GLI2: variants seen among roughly 807,000 people sequenced by gnomAD.
The protein encoded by GLI2 is transcription activator GLI2.
GLI2 carries 22 observed loss-of-function variants against 78.9 expected under a neutral mutation model. That is an observed-to-expected ratio of 0.28 (90% CI 0.20 to 0.40). The LOEUF (loss-of-function observed/expected upper bound fraction) is 0.40, where lower values mean the gene tolerates loss of function less well. Among genes scored for constraint, GLI2 ranks in the 10% least tolerant of loss-of-function variants. The probability of loss-of-function intolerance (pLI) is 1.00; values close to 1 mark genes in which losing one functional copy is unlikely to be tolerated. For synonymous variants in GLI2, 974 were observed against 963.7 expected, an observed-to-expected ratio of 1.01 and a Z score of -0.20; for missense variants, 2,097 against 2,213.2, an observed-to-expected ratio of 0.95 and a Z score of 1.05.
intron 1 of GLI2, among the ~76,000 whole-genome samples, chr2:120,789,353 CT>C (rs932455193): frequency 2.0e-5 from 3 of 151,394 alleles, no homozygotes; most frequent in Non-Finnish European, 4.4e-5. Flanking sequence ...TGTGGGAACG[CT>C]TTTTTTTTCT....
At chr2:120,910,379 A>C (rs2104810755) in intron 2 of GLI2, among the ~76,000 whole-genome samples, 1 of 152,280 alleles carries the variant, frequency 6.6e-6, no homozygotes, top group African/African-American at 2.4e-5. Flanking sequence ...ACAGACATCC[A>C]TCACCCCATT....
At chr2:120,959,573 A>T (rs1200138273) in intron 5 of GLI2, among the ~76,000 whole-genome samples, 2 of 152,352 alleles carry the variant, frequency 1.3e-5, no homozygotes, top group Middle Eastern at 3.4e-3. Flanking sequence ...CTTAGCTCCG[A>T]GGCCTGTGTG....
intron 1 of GLI2, among the ~76,000 whole-genome samples, chr2:120,790,373 G>C (rs1684113009): frequency 6.6e-6 from 1 of 152,186 alleles, no homozygotes; most frequent in Admixed American, 6.5e-5. Flanking sequence ...GGGGCATGGG[G>C]CTGACCCAGA....
At chr2:120,978,054 T>G (rs796250763) in intron 9 of GLI2, among the ~76,000 whole-genome samples, 30 of 152,262 alleles carry the variant, frequency 2.0e-4, no homozygotes, top group African/African-American at 7.2e-4. Flanking sequence ...GGGAGCGTCA[T>G]CACACCAGAG....
chr2:120,769,600 C>T (rs1683467303), intron 1 of GLI2, among the ~76,000 whole-genome samples: 1 of 152,222 alleles, frequency 6.6e-6, no homozygotes, highest in East Asian at 1.9e-4. Flanking sequence ...AAGGCAAGCT[C>T]AGAGTCTTGC....
At chr2:120,877,790 G>A (rs1449391890) in intron 2 of GLI2, among the ~76,000 whole-genome samples, 2 of 152,098 alleles carry the variant, frequency 1.3e-5, no homozygotes, top group East Asian at 3.8e-4. Flanking sequence ...GGGCATTTGG[G>A]TTGTTTCCAA....
chr2:120,925,341 A>G (rs1228229441), intron 2 of GLI2, among the ~76,000 whole-genome samples: 1 of 152,230 alleles, frequency 6.6e-6, no homozygotes, highest in Non-Finnish European at 1.5e-5. Flanking sequence ...GGAGTTGAAC[A>G]TGTAAAAATT....
intron 2 of GLI2, among the ~76,000 whole-genome samples, chr2:120,865,004 G>A (rs1209609452): frequency 5.3e-5 from 8 of 152,144 alleles, no homozygotes; most frequent in East Asian, 1.9e-4. Flanking sequence ...CTTCCAACTC[G>A]GTAGTGCCTC....
chr2:120,788,583 C>T (rs1168810252), intron 1 of GLI2, among the ~76,000 whole-genome samples: 4 of 152,230 alleles, frequency 2.6e-5, no homozygotes, highest in Admixed American at 2.6e-4. Flanking sequence ...CTGGAGGGGC[C>T]TGCATTTCCC....
In GLI2 at chr2:120,989,237, G is replaced by T. The variant is rs745631814; in HGVS notation, c.3272G>T (p.Arg1091Leu). The T allele has an allele frequency of 2.8e-5, 45 of 1,613,044 alleles. No individual in the cohort carries two copies. Among genetic ancestry groups the T allele is most frequent in the Non-Finnish European group, 3.6e-5 (43 of 1,180,038 alleles). The change falls in exon 14 of 14, where the codon CGC becomes CTC. Residue 1091 changes from arginine to leucine, a missense_variant. Transcript: ENST00000361492. ...RLPSPGLHGQRRMVAADSNVG... is the reference protein window; with the variant it reads ...RLPSPGLHGQLRMVAADSNVG... Reference sequence around the variant, plus strand: ...CCCAGCCCGGGGCTGCACGGCCAGCGCAGGATGGTGGCTGCGGACTCCAAC... The same window carrying T: ...CCCAGCCCGGGGCTGCACGGCCAGCTCAGGATGGTGGCTGCGGACTCCAAC...
intron 2 of GLI2, among the ~76,000 whole-genome samples, chr2:120,903,017 AG>A (rs1339942247): frequency 6.6e-6 from 1 of 152,142 alleles, no homozygotes; most frequent in Non-Finnish European, 1.5e-5. Context: ...TGAATGGCAG[AG>A]GGGGCATTTA....
intron 1 of GLI2, among the ~76,000 whole-genome samples, chr2:120,757,169 G>A (rs1414765078): frequency 6.7e-6 from 1 of 148,546 alleles, no homozygotes; most frequent in Admixed American, 6.7e-5. Context: ...TCTAACATTT[G>A]TACCTGCTCT....
intron 2 of GLI2, among the ~76,000 whole-genome samples, chr2:120,823,364 A>AT: frequency 6.6e-6 from 1 of 152,086 alleles, no homozygotes; most frequent in Non-Finnish European, 1.5e-5. Context: ...TGGGGGAGAA[A>AT]TCCCCCCCAT....
At chr2:120,797,861 T>C (rs1046317914) in intron 2 of GLI2, among the ~76,000 whole-genome samples, 5 of 152,204 alleles carry the variant, frequency 3.3e-5, no homozygotes, top group Non-Finnish European at 7.3e-5. Context: ...TTTTGGAAAG[T>C]AATTGTCTCC....
Position 120,820,432 on chromosome 2 carries a change from C to G in GLI2, c.148+22964C>G, listed in dbSNP as rs534169606. Reference sequence around the variant, plus strand: ...GCCAGCTGGTGAGCATTAGTTCCCCCCTCTCCAGGCAGTAACGTCAGAGGC... The same window carrying G: ...GCCAGCTGGTGAGCATTAGTTCCCCGCTCTCCAGGCAGTAACGTCAGAGGC... On this transcript the variant is annotated intron_variant, in intron 2 of 13. Coordinates refer to ENST00000361492, the MANE Select transcript of GLI2 (RefSeq NM_001374353.1). Among the ~76,000 whole-genome samples the G allele has an allele frequency of 3.9e-5, 6 of 152,316 alleles. No individual in the cohort carries two copies. The East Asian group carries it at 9.7e-4, about 25-fold the overall frequency.
chr2:120,736,465 C>A (rs1046396671), intron 1 of GLI2, among the ~76,000 whole-genome samples, 180 bp downstream of exon 1: 1 of 151,888 alleles, frequency 6.6e-6, no homozygotes, highest in Admixed American at 6.5e-5. Flanking sequence ...TAGGCGCGAC[C>A]CCGCCTGGGG....
intron 3 of GLI2, among the ~76,000 whole-genome samples, chr2:120,942,906 CCTCA>C (rs143212477): frequency 0.045 from 6,778 of 149,266 alleles, 211 homozygotes; most frequent in Middle Eastern, 0.079. Flanking sequence ...TCGTTCACAC[CCTCA>C]CTCACTCATT....
intron 1 of GLI2, among the ~76,000 whole-genome samples, chr2:120,753,930 A>C (rs910990409): frequency 1.6e-4 from 25 of 152,052 alleles, no homozygotes; most frequent in Non-Finnish European, 3.5e-4. Context: ...AAAAAAAAAA[A>C]AACAACTATT....
chr2:120,836,382 A>G (rs575456486), intron 2 of GLI2, among the ~76,000 whole-genome samples: 168 of 152,322 alleles, frequency 1.1e-3, no homozygotes, highest in Middle Eastern at 0.01. Context: ...TTTGAGATGT[A>G]TTCATGTCGT....
Sources: allele counts gnomAD v4.1 joint callset (sites outside exome capture counted in the v4.1 genomes callset), GRCh38; gene constraint gnomAD v4.1.1; transcripts MANE v1.5; gene names NCBI Gene and HGNC (gene_info 2026-07-23, HGNC 2026-07-21).